The following BLTP2 variants were observed in gnomAD, a reference collection of about 807,000 sequenced individuals.
The protein encoded by BLTP2 is U937-associated antigen.
At chr17:28,644,459 G>C in the BLTP2 span, among the ~76,000 whole-genome samples, 1 of 152,216 alleles carries the variant, frequency 6.6e-6, no homozygotes, top group Non-Finnish European at 1.5e-5. Flanking sequence ...ATGAATCCCA[G>C]AGGCAGAGAG....
chr17:28,639,527 G>A, the BLTP2 span: 1 of 1,612,942 alleles, frequency 6.2e-7, no homozygotes, highest in Non-Finnish European at 8.5e-7. Context: ...AAATAATGTA[G>A]CGGGAGAATA....
At chr17:28,636,878 A>T in the BLTP2 span, 1 of 1,128,592 alleles carries the variant, frequency 8.9e-7, no homozygotes, top group Non-Finnish European at 1.3e-6. Context: ...TTTTGGGAAA[A>T]GACAAGAAAA....
chr17:28,643,789 A>T, the BLTP2 span: 3 of 953,084 alleles, frequency 3.1e-6, no homozygotes, highest in Non-Finnish European at 4.9e-6. Context: ...ATCCCATCTT[A>T]AATTAGAACA....
At chr17:28,644,832 G>A in the BLTP2 span, among the ~76,000 whole-genome samples, 4 of 151,906 alleles carry the variant, frequency 2.6e-5, no homozygotes, top group Admixed American at 6.6e-5. Context: ...GCCTCCTCAC[G>A]ATCCCTCCCC....
the BLTP2 span, chr17:28,631,475 G>T: frequency 6.2e-7 from 1 of 1,613,346 alleles, no homozygotes; most frequent in Non-Finnish European, 8.5e-7. Flanking sequence ...GTGTCAGGGA[G>T]TACCTCCTCA....
At chr17:28,620,270 C>CT in the BLTP2 span, among the ~76,000 whole-genome samples, 3 of 152,110 alleles carry the variant, frequency 2.0e-5, no homozygotes, top group Non-Finnish European at 4.4e-5. Context: ...GTCTAGGTGA[C>CT]TGAGTAGAGA....
At chr17:28,628,493 T>C in the BLTP2 span, 3 of 1,614,134 alleles carry the variant, frequency 1.9e-6, no homozygotes, top group Non-Finnish European at 1.7e-6. Flanking sequence ...GTCCAGGAAA[T>C]CCGTAAATCT....
chr17:28,641,576 G>A, the BLTP2 span, among the ~76,000 whole-genome samples: 1 of 151,964 alleles, frequency 6.6e-6, no homozygotes, highest in Non-Finnish European at 1.5e-5. Context: ...GAAGGTTAAA[G>A]GTTGCAGTGA....
chr17:28,629,535 T>C, the BLTP2 span, among the ~76,000 whole-genome samples: 1 of 152,188 alleles, frequency 6.6e-6, no homozygotes, highest in Non-Finnish European at 1.5e-5. Flanking sequence ...CTGAAGGCAA[T>C]GGTGCGATCT....
the BLTP2 span, chr17:28,631,371 T>A: frequency 2.0e-6 from 2 of 1,002,958 alleles, no homozygotes; most frequent in Admixed American, 2.1e-5. Flanking sequence ...TAAATAAATT[T>A]TTGTTGTATA....
At chr17:28,643,361 A>C in the BLTP2 span, 1 of 1,604,546 alleles carries the variant, frequency 6.2e-7, no homozygotes, top group Admixed American at 1.7e-5. Context: ...CTCCCATAGC[A>C]GTCTATTCCC....
the BLTP2 span, chr17:28,615,257 GGA>G: frequency 1.1e-5 from 17 of 1,591,580 alleles, no homozygotes; most frequent in Non-Finnish European, 1.5e-5. Context: ...CTGGCAGATT[GGA>G]GAGGAGTAAA....
the BLTP2 span, chr17:28,618,695 TA>T: frequency 2.2e-6 from 2 of 922,414 alleles, no homozygotes; most frequent in Non-Finnish European, 3.3e-6. Context: ...ATACAATAAT[TA>T]ACCCCCTTTT....
the BLTP2 span, chr17:28,623,835 G>GAGGCA: frequency 6.2e-7 from 1 of 1,614,234 alleles, no homozygotes; most frequent in South Asian, 1.1e-5. Context: ...TGCCATCCAA[G>GAGGCA]AGGCAAGTCC....
the BLTP2 span, chr17:28,632,008 A>C: frequency 6.8e-6 from 11 of 1,608,240 alleles, no homozygotes; most frequent in Non-Finnish European, 7.7e-6. Flanking sequence ...AACTAGAAGC[A>C]GAATAAAGTG....
chr17:28,642,392 C>G, the BLTP2 span: 6 of 1,470,442 alleles, frequency 4.1e-6, no homozygotes, highest in Middle Eastern at 6.9e-4. Flanking sequence ...TGGCTCACGC[C>G]TGTAACCCCA....
At chr17:28,644,245 C>T in the BLTP2 span, 90 of 1,578,830 alleles carry the variant, frequency 5.7e-5, no homozygotes, top group Non-Finnish European at 6.6e-5. Flanking sequence ...TTTCCCTCAC[C>T]CCTTGCTGGT....
chr17:28,644,213 T>C, the BLTP2 span: 26 of 1,607,966 alleles, frequency 1.6e-5, no homozygotes, highest in Middle Eastern at 1.7e-4. Context: ...TGTTAATTCA[T>C]AGGACCTTTT....
chr17:28,637,976 C>A, the BLTP2 span: 7 of 1,614,166 alleles, frequency 4.3e-6, no homozygotes, highest in East Asian at 1.1e-4. Flanking sequence ...GGATAAGATA[C>A]GAGACAGACA....
Sources: allele counts gnomAD v4.1 joint callset (sites outside exome capture counted in the v4.1 genomes callset), GRCh38; gene constraint gnomAD v4.1.1; transcripts MANE v1.5; gene names NCBI Gene and HGNC (gene_info 2026-07-23, HGNC 2026-07-21).